Variants in TUB observed in about 807,000 individuals in gnomAD.
The protein encoded by TUB is tubby protein homolog.
TUB carries 33 observed loss-of-function variants against 59.7 expected under a neutral mutation model. The observed-to-expected ratio is 0.55, with a 90% CI of 0.42 to 0.74. The LOEUF is 0.74. TUB is among the 30% of genes least tolerant of loss of function. The pLI, the probability that TUB is intolerant of heterozygous loss-of-function variation, is 0.00. For synonymous variants in TUB, 293 were observed against 256.4 expected, an observed-to-expected ratio of 1.14 and a Z score of -1.36; for missense variants, 659 against 672.0, an observed-to-expected ratio of 0.98 and a Z score of 0.21.
chr11:8,094,268 T>G, intron 4 of TUB, 79 bp downstream of exon 4: 2 of 1,476,548 alleles, frequency 1.4e-6, no homozygotes, highest in Non-Finnish European at 1.8e-6. Context: ...TCCTCCTGAC[T>G]TGGAGGGGAG....
At chr11:8,035,021 A>G (rs1589923422), upstream of TUB, among the ~76,000 whole-genome samples, 1 of 152,232 alleles carries the variant, frequency 6.6e-6, no homozygotes, top group Non-Finnish European at 1.5e-5. Flanking sequence ...TTTCAATGGC[A>G]CTGTGCTCCT....
chr11:8,036,389 C>A (rs939739555), upstream of TUB, among the ~76,000 whole-genome samples: 1 of 152,168 alleles, frequency 6.6e-6, no homozygotes, highest in Non-Finnish European at 1.5e-5. Flanking sequence ...TGCACTCTGC[C>A]ACTTAAATTC....
intron 2 of TUB, among the ~76,000 whole-genome samples, chr11:8,059,735 T>C (rs569656625): frequency 2.0e-5 from 3 of 152,166 alleles, no homozygotes; most frequent in Admixed American, 6.5e-5. Flanking sequence ...CTCGTAAGCC[T>C]CATGGAAGAG....
chr11:8,051,630 C>T (rs1163359810), intron 2 of TUB, among the ~76,000 whole-genome samples: 1 of 152,224 alleles, frequency 6.6e-6, no homozygotes, highest in Admixed American at 6.5e-5. Context: ...GCCACCCTCA[C>T]TGCATATTCG....
intron 1 of TUB, 99 bp from the exon 2 acceptor site, chr11:8,089,511 G>A: frequency 7.0e-7 from 1 of 1,434,536 alleles, no homozygotes; most frequent in South Asian, 1.2e-5. Context: ...GCCGTGATGG[G>A]ATGGGTTTAA....
intron 2 of TUB, among the ~76,000 whole-genome samples, chr11:8,050,795 G>C (rs75129870): frequency 0.022 from 3,387 of 152,208 alleles, 115 homozygotes; most frequent in African/African-American, 0.075. Context: ...TGTGTTTTCT[G>C]CTCTTCTGTC....
chr11:8,067,034 C>G (rs1363957070), intron 2 of TUB, among the ~76,000 whole-genome samples: 2 of 152,186 alleles, frequency 1.3e-5, no homozygotes, highest in Non-Finnish European at 2.9e-5. Flanking sequence ...CTGCCCCTCC[C>G]GCTCCAGGCA....
chr11:8,105,696 T>C lies in TUB; in HGVS notation c.*4077T>C, dbSNP rs1213029548. On this transcript the variant is annotated 3_prime_UTR_variant, in exon 12 of 12. Transcript: ENST00000299506. ...ATTATTCCTTGCTTTCATCACTACC[T>C]TTATAGCTCTCATCACTACCTTTAT... 1 of 148,514 alleles carries C rather than the reference T, an allele frequency of 6.7e-6. No individual in the cohort carries two copies. Among genetic ancestry groups the C allele is most frequent in the Non-Finnish European group, 1.5e-5 (1 of 67,890 alleles). 9.2% of individuals were successfully genotyped at this position (148,514 alleles called of 1,614,324 possible). A position where few individuals can be genotyped will look rare whatever the true frequency, so the allele number is the denominator to read the frequency against.
chr11:8,039,611 G>T, intron 1 of TUB: 1 of 1,466,376 alleles, frequency 6.8e-7, no homozygotes, highest in Non-Finnish European at 9.1e-7. Context: ...AGGCTGCAAG[G>T]ATGTGGAGAG....
chr11:8,036,259 A>C (rs560916669), upstream of TUB, among the ~76,000 whole-genome samples: 1 of 151,266 alleles, frequency 6.6e-6, no homozygotes, highest in Non-Finnish European at 1.5e-5. Flanking sequence ...TGCCTGTTCC[A>C]CTCTGTAATC....
In TUB at chr11:8,101,975, C is replaced by A; in HGVS notation, c.*356C>A. ...AAGAGGCATAGAGGGAGAGGAAGCACACTGCAGGGCTGCTGTGGCCCAGTC... is the reference window on the plus strand; with the variant it reads ...AAGAGGCATAGAGGGAGAGGAAGCAAACTGCAGGGCTGCTGTGGCCCAGTC... On this transcript the variant is annotated 3_prime_UTR_variant, in exon 12 of 12. Coordinates refer to ENST00000299506, the MANE Select transcript of TUB (RefSeq NM_177972.3). The A allele has an allele frequency of 3.7e-6, 1 of 270,382 alleles. No individual in the cohort carries two copies. The highest frequency in any genetic ancestry group is 7.1e-6 in the Non-Finnish European group (1 of 141,108). The allele number at this position is 270,382 out of a possible 1,614,324, so 16.7% of individuals were successfully genotyped here.
chr11:8,079,785 C>T (rs1943511032), upstream of TUB, among the ~76,000 whole-genome samples: 1 of 151,924 alleles, frequency 6.6e-6, no homozygotes, highest in Non-Finnish European at 1.5e-5. Context: ...TAGACCCAGA[C>T]CTTTTGTGTG....
At chr11:8,059,855 C>G (rs1227197185) in intron 2 of TUB, among the ~76,000 whole-genome samples, 1 of 152,160 alleles carries the variant, frequency 6.6e-6, no homozygotes, top group East Asian at 1.9e-4. Context: ...GCAGGCAGAA[C>G]TGCAGTCAAG....
At chr11:8,097,506 C>T in intron 7 of TUB, 81 bp downstream of exon 7, 5 of 1,580,120 alleles carry the variant, frequency 3.2e-6, no homozygotes, top group Non-Finnish European at 3.5e-6. Flanking sequence ...CTGGAAGTCT[C>T]ATATCTACCA....
At chr11:8,062,809 C>T (rs905543644) in intron 2 of TUB, among the ~76,000 whole-genome samples, 1 of 152,100 alleles carries the variant, frequency 6.6e-6, no homozygotes, top group East Asian at 1.9e-4. Flanking sequence ...GGGGAGGAAA[C>T]CACTGCTCTT....
rs745398296 is a variant in TUB, at chr11:8,101,629, C to A, written c.*10C>A. The A allele has an allele frequency of 6.2e-7, 1 of 1,613,918 alleles. No individual in the cohort carries two copies. Among genetic ancestry groups the A allele is most frequent in the Non-Finnish European group, 8.5e-7 (1 of 1,179,942 alleles). ...GCTGGCGTGCGAGTAGAGGCCTCTTCGTGCCCTTTGGGGTTGCCCAGCCTG... is the reference window on the plus strand; with the variant it reads ...GCTGGCGTGCGAGTAGAGGCCTCTTAGTGCCCTTTGGGGTTGCCCAGCCTG... On this transcript the variant is annotated 3_prime_UTR_variant, in exon 12 of 12. Transcript: ENST00000299506.
intron 1 of TUB, among the ~76,000 whole-genome samples, chr11:8,021,712 G>A (rs370959768): frequency 6.6e-6 from 1 of 151,822 alleles, no homozygotes; most frequent in African/African-American, 2.4e-5. Context: ...TCAGGAGATC[G>A]AGATCCTCCT....
intron 1 of TUB, among the ~76,000 whole-genome samples, chr11:8,024,679 C>T (rs1942476704): frequency 1.3e-5 from 2 of 152,112 alleles, no homozygotes; most frequent in Admixed American, 6.5e-5. Context: ...TGACATTCTC[C>T]CCTCATGTTT....
At chr11:8,052,338 A>G (rs371526769) in intron 2 of TUB, among the ~76,000 whole-genome samples, 1 of 152,180 alleles carries the variant, frequency 6.6e-6, no homozygotes, top group African/African-American at 2.4e-5. Flanking sequence ...GGATGTTAAT[A>G]TAAGTAAAAT....
Sources: gnomAD v4.1 joint callset for allele counts (sites outside exome capture counted in the v4.1 genomes callset) on GRCh38, gnomAD v4.1.1 for gene constraint, MANE v1.5 for transcripts, NCBI Gene and HGNC (gene_info 2026-07-23, HGNC 2026-07-21) for gene names.